The following UNK variants were observed in gnomAD, a reference collection of about 807,000 sequenced individuals.
The protein encoded by UNK is unk zinc finger, also known as RING finger protein unkempt homolog.
UNK carries 32 observed loss-of-function variants against 97.6 expected under a neutral mutation model. That is an observed-to-expected ratio of 0.33 (90% confidence interval 0.25 to 0.44). The LOEUF is 0.44. Among genes scored for constraint, UNK ranks in the 20% least tolerant of loss-of-function variants. The probability of loss-of-function intolerance (pLI) is 1.00; values close to 1 mark genes in which losing one functional copy is unlikely to be tolerated. For missense variants in UNK, 771 were observed against 1,098.4 expected (o/e 0.70, Z 4.21); for synonymous variants, 441 against 461.2 (o/e 0.96, Z 0.56).
chr17:75,799,510 C>T (rs1456556481), intron 1 of UNK, among the ~76,000 whole-genome samples: 1 of 152,214 alleles, frequency 6.6e-6, no homozygotes, highest in Non-Finnish European at 1.5e-5. Flanking sequence ...GTTGGAGTTG[C>T]TCCTCTGTGT....
rs777621241 is a variant in UNK at position 75,817,498 on chromosome 17, C to A, written c.1277C>A (p.Ala426Asp). 5.0e-6 allele frequency: 8 copies of A among 1,610,622 alleles called. No individual in the cohort carries two copies. Among genetic ancestry groups the A allele is most frequent in the African/African-American group, 2.7e-5 (2 of 74,842 alleles). The change falls in exon 9 of 16, where the codon GCC (alanine) becomes GAC (aspartate). Residue 426 changes from alanine (A) to aspartate (D), a missense_variant. Transcript: ENST00000589666. The surrounding 1 kb of genome is among the most constrained non-coding windows in gnomAD (Gnocchi z 5.8). ...TTCGAGAGGGAAGACCAGGTGGGAGCCGAGTACCTGAAAAATTTCAAATGC... is the reference window on the plus strand; with the variant it reads ...TTCGAGAGGGAAGACCAGGTGGGAGACGAGTACCTGAAAAATTTCAAATGC... Reference protein sequence around the residue: ...PGFEREDQVGAEYLKNFKCQA... With the variant: ...PGFEREDQVGDEYLKNFKCQA...
In UNK at chr17:75,818,544, C is replaced by A; in HGVS notation, c.1372-98C>A. On this transcript the variant is annotated intron_variant, in intron 10 of 15. Coordinates refer to ENST00000589666, the MANE Select transcript of UNK (RefSeq NM_001080419.3). The surrounding 1 kb of genome is among the most constrained non-coding windows in gnomAD (Gnocchi z 5.1). ...GGGGGCACCCGGACTAGAGCTAGCACGGGCCATTTCCCTTGCCCCCAGCCC... is the reference window on the plus strand; with the variant it reads ...GGGGGCACCCGGACTAGAGCTAGCAAGGGCCATTTCCCTTGCCCCCAGCCC... 1 of 1,358,758 alleles carries A rather than the reference C, an allele frequency of 7.4e-7. No individual in the cohort carries two copies. The highest frequency in any genetic ancestry group is 9.9e-7 in the Non-Finnish European group (1 of 1,007,944). The allele number at this position is 1,358,758 out of a possible 1,614,324, so 84.2% of individuals were successfully genotyped here.
intron 2 of UNK, among the ~76,000 whole-genome samples, chr17:75,811,229 A>G (rs1470373267): frequency 1.3e-5 from 2 of 152,172 alleles, no homozygotes. Flanking sequence ...TGGGATTTAC[A>G]GGGGTGAGCC....
intron 1 of UNK, among the ~76,000 whole-genome samples, chr17:75,803,191 G>T (rs2061879035): frequency 7.3e-6 from 1 of 136,382 alleles, no homozygotes; most frequent in South Asian, 2.2e-4. Context: ...GAGGTCAGGA[G>T]ATCAAGACCA....
intron 1 of UNK, among the ~76,000 whole-genome samples, chr17:75,798,133 C>T (rs1039545444): frequency 6.7e-5 from 10 of 149,508 alleles, no homozygotes; most frequent in Non-Finnish European, 4.4e-5. Flanking sequence ...TGCAATGGCA[C>T]GATTTCGGCT....
intron 1 of UNK, among the ~76,000 whole-genome samples, chr17:75,793,099 T>C (rs1035024009): frequency 6.6e-6 from 1 of 152,208 alleles, no homozygotes. Flanking sequence ...TTGAGACTCT[T>C]AGGTGCTGGT....
intron 1 of UNK, among the ~76,000 whole-genome samples, chr17:75,789,241 A>G (rs1040251194): frequency 2.6e-5 from 4 of 152,190 alleles, no homozygotes; most frequent in African/African-American, 7.2e-5. Context: ...GTTATGTCAG[A>G]AGTTCCTTTA....
At position 75,823,496 on chromosome 17, in the gene UNK, C is replaced by T. The variant is rs778970875; in HGVS notation, c.2251C>T (p.Arg751Trp). The T allele has an allele frequency of 1.7e-5, 26 of 1,565,768 alleles. No homozygotes were observed. Among genetic ancestry groups the T allele is most frequent in the South Asian group, 4.6e-5 (4 of 86,936 alleles). ...STLYSLQKQLRAHLEQVDKAV... is the reference protein window; with the variant it reads ...STLYSLQKQLWAHLEQVDKAV... ...CCTCTACTCCCTCCAGAAACAACTG[C>T]GGGCCCACCTGGAACAAGTGGACAA... Residue 751 changes from arginine (R) to tryptophan (W), a missense_variant, in exon 15 of 16, where the codon CGG becomes TGG. Coordinates refer to ENST00000589666, the MANE Select transcript of UNK (RefSeq NM_001080419.3).
intron 13 of UNK, chr17:75,821,670 C>T: frequency 2.2e-6 from 1 of 456,646 alleles, no homozygotes; most frequent in Non-Finnish European, 4.4e-6. Context: ...GGAAAGGGAG[C>T]AAGGAAGAAG....
intron 6 of UNK, 122 bp from the exon 7 acceptor site, chr17:75,815,047 G>T: frequency 1.3e-6 from 1 of 788,906 alleles, no homozygotes; most frequent in East Asian, 2.6e-5. Context: ...TGGAGGGGAG[G>T]GGAGGGGCCG....
chr17:75,815,228 C>T lies in UNK; in HGVS notation c.936C>T (p.Pro312=), dbSNP rs772077950. ...AGTCGGGCAGCTGTCCCCGAGGACCCTTCTGCGCCTTTGCCCACGTAGAAC... is the reference window on the plus strand; with the variant it reads ...AGTCGGGCAGCTGTCCCCGAGGACCTTTCTGCGCCTTTGCCCACGTAGAAC... The part of the protein sequence containing the change: ...MQQSGSCPRG[P]FCAFAHVEQP... Residue 312 remains proline (P), a synonymous_variant, in exon 7 of 16, where the codon CCC becomes CCT. Transcript: ENST00000589666. 15 of 1,613,414 alleles carry T rather than the reference C, an allele frequency of 9.3e-6. No homozygotes were observed. Among genetic ancestry groups the T allele is most frequent in the Non-Finnish European group, 1.3e-5 (15 of 1,179,728 alleles).
At chr17:75,804,519 G>C (rs2061892456) in intron 1 of UNK, among the ~76,000 whole-genome samples, 1 of 151,968 alleles carries the variant, frequency 6.6e-6, no homozygotes, top group Non-Finnish European at 1.5e-5. Flanking sequence ...TCAACTGGAA[G>C]AGATTAAAAG....
chr17:75,816,650 G>A lies in UNK; in HGVS notation c.962-120G>A, dbSNP rs141985279. The A allele has an allele frequency of 2.6e-4, 332 of 1,282,416 alleles. 1 individual carries two copies. The highest frequency in any genetic ancestry group is 1.6e-3 in the African/African-American group (108 of 67,290). 79.4% of individuals were successfully genotyped at this position (1,282,416 alleles called of 1,614,324 possible). On this transcript the variant is annotated intron_variant, in intron 7 of 15. Coordinates refer to ENST00000589666, the MANE Select transcript of UNK (RefSeq NM_001080419.3). This position sits in a 1 kb window ranked among gnomAD's most constrained non-coding sequence, Gnocchi z 4.0. ...CAGACATGGTGTTACTAGAGATGTC[G>A]TAGGAACCTTCCCTTTATGTGCAGG...
In UNK at chr17:75,816,639, C is replaced by T. The variant is rs987736206; in HGVS notation, c.962-131C>T. On this transcript the variant is annotated intron_variant, in intron 7 of 15. Coordinates refer to ENST00000589666, the MANE Select transcript of UNK (RefSeq NM_001080419.3). This position sits in a 1 kb window ranked among gnomAD's most constrained non-coding sequence, Gnocchi z 4.0. ...CAGTAAATGCACAGACATGGTGTTA[C>T]TAGAGATGTCGTAGGAACCTTCCCT... 184 of 1,158,134 alleles carry T rather than the reference C, an allele frequency of 1.6e-4. 1 individual carries two copies. The highest frequency in any genetic ancestry group is 5.1e-4 in the Admixed American group (18 of 35,458). 71.7% of individuals were successfully genotyped at this position (1,158,134 alleles called of 1,614,324 possible).
chr17:75,818,270 C>A lies in UNK; in HGVS notation c.1371+102C>A. The A allele has an allele frequency of 7.4e-7, 1 of 1,360,412 alleles. No individual in the cohort carries two copies. The highest frequency in any genetic ancestry group is 1.0e-6 in the Non-Finnish European group (1 of 979,686). The allele number at this position is 1,360,412 out of a possible 1,614,324, so 84.3% of individuals were successfully genotyped here. Reference sequence around the variant, plus strand: ...TGGGAGGCACCACTTTTCCCAAAAGCTGAGGGCAGGACTAAAGTGGGGTCC... The same window carrying A: ...TGGGAGGCACCACTTTTCCCAAAAGATGAGGGCAGGACTAAAGTGGGGTCC... On this transcript the variant is annotated intron_variant, in intron 10 of 15. Transcript: ENST00000589666. This position sits in a 1 kb window ranked among gnomAD's most constrained non-coding sequence, Gnocchi z 5.1.
In UNK at chr17:75,818,271, T is replaced by A; in HGVS notation, c.1371+103T>A. On this transcript the variant is annotated intron_variant, in intron 10 of 15. Coordinates refer to ENST00000589666, the MANE Select transcript of UNK (RefSeq NM_001080419.3). The surrounding 1 kb of genome is among the most constrained non-coding windows in gnomAD (Gnocchi z 5.1). The stretch of plus-strand genomic sequence containing the variant: ...GGGAGGCACCACTTTTCCCAAAAGC[T>A]GAGGGCAGGACTAAAGTGGGGTCCC... 7.4e-7 allele frequency: 1 copy of A among 1,347,166 alleles called. No homozygotes were observed. Among genetic ancestry groups the A allele is most frequent in the Non-Finnish European group, 1.0e-6 (1 of 968,374 alleles). The allele number at this position is 1,347,166 out of a possible 1,614,324, so 83.5% of individuals were successfully genotyped here.
At position 75,818,770 on chromosome 17, in the gene UNK, C is replaced by T. The variant is rs769036635; in HGVS notation, c.1500C>T (p.Asn500=). ...GCAGCGTCCCCGGCATGAATGCAAA[C>T]GCTCTGCCCTTCTACCCCACCAGCG... The part of the protein sequence containing the change: ...GTSSVPGMNA[N]ALPFYPTSDT... The change falls in exon 11 of 16, where the codon AAC becomes AAT. Residue 500 remains asparagine (N), a synonymous_variant. Coordinates refer to ENST00000589666, the MANE Select transcript of UNK (RefSeq NM_001080419.3). This position sits in a 1 kb window ranked among gnomAD's most constrained non-coding sequence, Gnocchi z 5.1. 1.2e-5 allele frequency: 20 copies of T among 1,612,358 alleles called. No homozygotes were observed. Among genetic ancestry groups the T allele is most frequent in the Middle Eastern group, 1.6e-4 (1 of 6,074 alleles).
At chr17:75,812,792 G>A (rs1271237367) in intron 4 of UNK, among the ~76,000 whole-genome samples, 7 of 152,238 alleles carry the variant, frequency 4.6e-5, no homozygotes, top group Non-Finnish European at 8.8e-5. Context: ...GCTTTCACAT[G>A]TGCACAGGCA....
intron 1 of UNK, among the ~76,000 whole-genome samples, chr17:75,806,602 T>C (rs1265955397): frequency 6.6e-6 from 1 of 151,808 alleles, no homozygotes; most frequent in Non-Finnish European, 1.5e-5. Context: ...TGAAACCCTG[T>C]CTTTACTAAA....
Sources: gnomAD v4.1 joint callset for allele counts (sites outside exome capture counted in the v4.1 genomes callset) on GRCh38, gnomAD v4.1.1 for gene constraint, Gnocchi (gnomAD v3.1) non-coding constraint, MANE v1.5 for transcripts, NCBI Gene and HGNC (gene_info 2026-07-23, HGNC 2026-07-21) for gene names.